TNRC6A: variants seen among roughly 807,000 people sequenced by gnomAD.
The protein encoded by TNRC6A is trinucleotide repeat containing adaptor 6A.
Under a neutral mutation model 221.2 loss-of-function variants are expected in TNRC6A, and 44 were observed. The observed-to-expected ratio is 0.20, with a 90% CI of 0.16 to 0.26. The LOEUF (loss-of-function observed/expected upper bound fraction) is 0.26, where lower values mean the gene tolerates loss of function less well. Ranked by LOEUF, TNRC6A falls within the 10% of genes least tolerant of loss-of-function variation. The pLI, the probability that TNRC6A is intolerant of heterozygous loss-of-function variation, is 1.00. For synonymous variants in TNRC6A, 847 were observed against 838.5 expected (o/e 1.01, Z -0.18); for missense variants, 2,199 against 2,404.4 (o/e 0.91, Z 1.79).
At chr16:24,769,996 A>G (rs934272389) in intron 4 of TNRC6A, among the ~76,000 whole-genome samples, 1 of 152,204 alleles carries the variant, frequency 6.6e-6, no homozygotes, top group African/African-American at 2.4e-5. Context: ...CATTGACTGC[A>G]TTGTAAGGGA....
At chr16:24,773,332 A>C (rs1167552171) in intron 4 of TNRC6A, among the ~76,000 whole-genome samples, 1 of 152,080 alleles carries the variant, frequency 6.6e-6, no homozygotes, top group Non-Finnish European at 1.5e-5. Flanking sequence ...CTTGAAATGT[A>C]CTTTTTTCTT....
chr16:24,707,638 A>T (rs1358687779), intron 2 of TNRC6A, among the ~76,000 whole-genome samples: 1 of 152,230 alleles, frequency 6.6e-6, no homozygotes. Context: ...AGAATGATGT[A>T]GCTCACAAAA....
intron 2 of TNRC6A, among the ~76,000 whole-genome samples, chr16:24,731,123 C>T (rs1225543540): frequency 6.6e-6 from 1 of 152,006 alleles, no homozygotes; most frequent in Non-Finnish European, 1.5e-5. Flanking sequence ...CTTTCTTATT[C>T]CCCTTTTTCT....
intron 2 of TNRC6A, among the ~76,000 whole-genome samples, chr16:24,655,292 T>C (rs569820392): frequency 4.6e-5 from 7 of 152,162 alleles, no homozygotes; most frequent in African/African-American, 1.4e-4. Context: ...AAAAAAAGAT[T>C]TTGTCAAAAA....
chr16:24,771,516 C>CATGTTATGTTATGTTATGTT (rs60883844), intron 4 of TNRC6A, among the ~76,000 whole-genome samples: 11,607 of 86,826 alleles, frequency 0.13, 1,269 homozygotes, highest in African/African-American at 0.15. Context: ...GAGCCTGGTG[C>CATGTTATGTTATGTTATGTT]ATGTTATGTT....
intron 2 of TNRC6A, among the ~76,000 whole-genome samples, chr16:24,750,116 G>T (rs2057103793): frequency 6.6e-6 from 1 of 152,130 alleles, no homozygotes; most frequent in South Asian, 2.1e-4. Context: ...TTCCAGCCTG[G>T]GTGACAGAGC....
chr16:24,667,276 C>T (rs1032838482), intron 2 of TNRC6A, among the ~76,000 whole-genome samples: 18 of 152,106 alleles, frequency 1.2e-4, no homozygotes, highest in Non-Finnish European at 1.2e-4. Flanking sequence ...GGCTCTGTCC[C>T]GTGCCTGGGC....
chr16:24,773,610 C>T lies in TNRC6A; in HGVS notation c.164-3323C>T, dbSNP rs138552850. On this transcript the variant is annotated intron_variant, in intron 4 of 24. Coordinates refer to ENST00000395799, the MANE Select transcript of TNRC6A (RefSeq NM_014494.4). ...ATGGGCATTTGTCAAAAAGATGTTA[C>T]CTGTTTTCAAGATACATGGTTTTGC... Among the ~76,000 whole-genome samples the T allele has an allele frequency of 8.5e-5, 13 of 152,282 alleles. No individual in the cohort carries two copies. In the East Asian group the frequency reaches 1.9e-3, roughly 23 times the overall value.
intron 2 of TNRC6A, among the ~76,000 whole-genome samples, chr16:24,722,426 TTTA>T (rs2056425670): frequency 1.3e-5 from 1 of 77,798 alleles, no homozygotes; most frequent in Admixed American, 1.2e-4. Flanking sequence ...TATTTATTTA[TTTA>T]CTTATTTATT....
At chr16:24,636,040 C>G (rs1044807269) in intron 1 of TNRC6A, among the ~76,000 whole-genome samples, 1 of 152,176 alleles carries the variant, frequency 6.6e-6, no homozygotes, top group Non-Finnish European at 1.5e-5. Flanking sequence ...GGGCACTGAT[C>G]GCCTTGGGGA....
At chr16:24,716,358 G>A (rs1168996722) in intron 2 of TNRC6A, among the ~76,000 whole-genome samples, 1 of 152,152 alleles carries the variant, frequency 6.6e-6, no homozygotes, top group Non-Finnish European at 1.5e-5. Context: ...AACAGAAACT[G>A]TTATTCCTCA....
intron 2 of TNRC6A, among the ~76,000 whole-genome samples, chr16:24,700,249 TTTTTG>T (rs2055943446): frequency 6.6e-6 from 1 of 151,954 alleles, no homozygotes; most frequent in African/African-American, 2.4e-5. Context: ...TTTCTTTTTT[TTTTTG>T]AGACAGAGTC....
intron 4 of TNRC6A, among the ~76,000 whole-genome samples, chr16:24,765,911 A>G (rs1011090244): frequency 6.6e-6 from 1 of 152,084 alleles, no homozygotes; most frequent in Non-Finnish European, 1.5e-5. Context: ...TGCTAAGGAG[A>G]CCCGTTTTGG....
chr16:24,668,610 G>A (rs1019901063), intron 2 of TNRC6A, among the ~76,000 whole-genome samples: 8 of 152,014 alleles, frequency 5.3e-5, no homozygotes, highest in Admixed American at 3.3e-4. Flanking sequence ...ATTGGCCACC[G>A]GAACAATTAG....
rs112289419 is a variant in TNRC6A at position 24,702,112 on chromosome 16, T to C, written n.403-48614T>C. Among the ~76,000 whole-genome samples, 47 of 101,824 alleles carry C rather than the reference T, an allele frequency of 4.6e-4. 1 individual carries two copies. Among genetic ancestry groups the C allele is most frequent in the African/African-American group, 6.6e-4 (15 of 22,614 alleles). 66.8% of individuals were successfully genotyped at this position (101,824 alleles called of 152,430 possible). A position where few individuals can be genotyped will look rare whatever the true frequency, so the allele number is the denominator to read the frequency against. On this transcript the variant is annotated intron_variant and non_coding_transcript_variant, in intron 2 of 2. Coordinates refer to the TNRC6A transcript ENST00000566108. Reference sequence around the variant, plus strand: ...TTTCTTTTCTTTTCTTTTTTCTTTTTTTTTTTTTTTTTTGAGGCAGTGTCC... The same window carrying C: ...TTTCTTTTCTTTTCTTTTTTCTTTTCTTTTTTTTTTTTTGAGGCAGTGTCC...
At chr16:24,745,768 T>C (rs1318612713) in intron 2 of TNRC6A, among the ~76,000 whole-genome samples, 2 of 149,216 alleles carry the variant, frequency 1.3e-5, no homozygotes, top group African/African-American at 2.5e-5. Context: ...CAGCCTCCCA[T>C]GTAGCTGAGA....
At chr16:24,706,649 G>A (rs916967237) in intron 2 of TNRC6A, among the ~76,000 whole-genome samples, 3 of 144,540 alleles carry the variant, frequency 2.1e-5, no homozygotes, top group South Asian at 2.2e-4. Flanking sequence ...CCCAGATCGC[G>A]CTACTGCACT....
intron 2 of TNRC6A, among the ~76,000 whole-genome samples, chr16:24,646,310 T>C (rs567992260): frequency 1.6e-4 from 24 of 152,334 alleles, no homozygotes; most frequent in African/African-American, 5.5e-4. Flanking sequence ...AGTAAATCTT[T>C]GTAAAACTCT....
chr16:24,781,827 C>CTTT (rs532953420), intron 5 of TNRC6A, among the ~76,000 whole-genome samples: 3 of 145,012 alleles, frequency 2.1e-5, no homozygotes, highest in Admixed American at 6.9e-5. Flanking sequence ...GATTTTAACT[C>CTTT]TTTTTTTTTT....
Sources: allele counts gnomAD v4.1 joint callset (sites outside exome capture counted in the v4.1 genomes callset), GRCh38; gene constraint gnomAD v4.1.1; transcripts MANE v1.5; gene names NCBI Gene and HGNC (gene_info 2026-07-23, HGNC 2026-07-21).